The following ADAMTS12 variants were observed in gnomAD, a reference collection of about 807,000 sequenced individuals.
ADAMTS12 encodes the protein A disintegrin and metalloproteinase with thrombospondin motifs 12.
Under a neutral mutation model 167.8 loss-of-function variants are expected in ADAMTS12, and 118 were observed. The ratio of observed to expected loss-of-function variants is 0.70; its 90% CI spans 0.61 to 0.82. The LOEUF (loss-of-function observed/expected upper bound fraction) is 0.82, where lower values mean the gene tolerates loss of function less well. Ranked by LOEUF, ADAMTS12 falls within the 40% of genes least tolerant of loss-of-function variation. ADAMTS12 has a pLI of 0.00. For synonymous variants in ADAMTS12, 704 were observed against 716.9 expected (o/e 0.98, Z 0.29); for missense variants, 1,916 against 1,998.8 (o/e 0.96, Z 0.79).
In ADAMTS12 at chr5:33,889,895, T is replaced by C. The variant is rs1044552901; in HGVS notation, c.127+1835A>G. On this transcript the variant is annotated intron_variant, in intron 1 of 23. Coordinates refer to ENST00000504830, the MANE Select transcript of ADAMTS12 (RefSeq NM_030955.4). ...TGAACCCGGGAGGCAGAGGTTGCAG[T>C]GAGCTGAGATTGCACCACCGCACTC... Among the ~76,000 whole-genome samples the C allele has an allele frequency of 2.0e-5, 3 of 152,276 alleles. No homozygotes were observed. The East Asian group carries it at 5.8e-4, about 29-fold the overall frequency.
chr5:33,589,103 G>T (rs138456354), intron 17 of ADAMTS12, among the ~76,000 whole-genome samples: 214 of 152,306 alleles, frequency 1.4e-3, no homozygotes, highest in African/African-American at 5.1e-3. Context: ...CCAGGGTTCT[G>T]CTGTGCAACT....
chr5:33,663,226 T>C (rs1248289540), intron 5 of ADAMTS12, among the ~76,000 whole-genome samples: 1 of 152,210 alleles, frequency 6.6e-6, no homozygotes, highest in East Asian at 1.9e-4. Context: ...ATAATTTTCA[T>C]TGTTACATCA....
chr5:33,624,171 C>T, intron 14 of ADAMTS12, 60 bp downstream of exon 14: 1 of 1,605,178 alleles, frequency 6.2e-7, no homozygotes, highest in Non-Finnish European at 8.5e-7. Context: ...ACCAATCAAC[C>T]ATTTATCTTG....
chr5:33,675,828 G>A (rs1336263201), intron 5 of ADAMTS12, among the ~76,000 whole-genome samples: 1 of 152,136 alleles, frequency 6.6e-6, no homozygotes, highest in African/African-American at 2.4e-5. Context: ...GATCACAGAA[G>A]CCTTGAGAAT....
intron 20 of ADAMTS12, among the ~76,000 whole-genome samples, chr5:33,553,272 G>T (rs970798132): frequency 6.6e-6 from 1 of 152,198 alleles, no homozygotes; most frequent in African/African-American, 2.4e-5. Context: ...TGGTGGGAGA[G>T]TATATTAGTT....
intron 3 of ADAMTS12, among the ~76,000 whole-genome samples, chr5:33,709,272 A>G (rs1743308314): frequency 6.6e-6 from 1 of 152,218 alleles, no homozygotes; most frequent in South Asian, 2.1e-4. Context: ...AACTTAGTTC[A>G]ACCATTATGG....
chr5:33,549,307 C>T lies in ADAMTS12; in HGVS notation c.4202G>A (p.Arg1401Lys), dbSNP rs1239282446. Residue 1401 changes from arginine to lysine, a missense_variant, in exon 21 of 24, where the codon AGG becomes AAG. Coordinates refer to ENST00000504830, the MANE Select transcript of ADAMTS12 (RefSeq NM_030955.4). Reference protein sequence around the residue: ...CVDSRDHRNLRPFHCQFLAGI... With the variant: ...CVDSRDHRNLKPFHCQFLAGI... ...GGCCAGGAACTGGCAGTGAAATGGCCTCAGGTTCCGGTGGTCCCGGCTGTC... is the reference window on the plus strand; with the variant it reads ...GGCCAGGAACTGGCAGTGAAATGGCTTCAGGTTCCGGTGGTCCCGGCTGTC... 4 of 1,614,234 alleles carry T rather than the reference C, an allele frequency of 2.5e-6. No homozygotes were observed. Among genetic ancestry groups the T allele is most frequent in the Non-Finnish European group, 3.4e-6 (4 of 1,180,050 alleles).
chr5:33,581,182 T>C (rs1747046533), intron 18 of ADAMTS12, among the ~76,000 whole-genome samples: 1 of 152,262 alleles, frequency 6.6e-6, no homozygotes, highest in Non-Finnish European at 1.5e-5. Context: ...TCAGATGAGA[T>C]AAATGCAGTA....
intron 1 of ADAMTS12, among the ~76,000 whole-genome samples, chr5:33,886,522 A>G (rs1228577726): frequency 1.3e-5 from 2 of 152,234 alleles, no homozygotes; most frequent in East Asian, 3.8e-4. Flanking sequence ...TCATTAGTAA[A>G]TAAAGAAAAG....
At chr5:33,786,377 T>C (rs759066674) in intron 2 of ADAMTS12, among the ~76,000 whole-genome samples, 6 of 151,988 alleles carry the variant, frequency 3.9e-5, no homozygotes, top group Non-Finnish European at 7.4e-5. Context: ...TTGGGTTTAA[T>C]GGTTTTCCAA....
chr5:33,641,789 A>C (rs1028266566), intron 11 of ADAMTS12, 21 bp downstream of exon 11: 26 of 1,576,848 alleles, frequency 1.6e-5, no homozygotes, highest in Admixed American at 6.9e-5. Flanking sequence ...AGAGAAGGGA[A>C]ATATATTTAT....
intron 3 of ADAMTS12, among the ~76,000 whole-genome samples, chr5:33,723,237 G>A (rs897513209): frequency 2.0e-5 from 3 of 152,064 alleles, no homozygotes; most frequent in East Asian, 1.9e-4. Flanking sequence ...TTTGAGAAGC[G>A]AACTCCATTT....
At chr5:33,556,226 G>A (rs1354699564) in intron 20 of ADAMTS12, among the ~76,000 whole-genome samples, 5 of 152,174 alleles carry the variant, frequency 3.3e-5, no homozygotes, top group Non-Finnish European at 7.3e-5. Context: ...AATGGCCAGT[G>A]TCACATACAG....
intron 2 of ADAMTS12, among the ~76,000 whole-genome samples, chr5:33,765,350 C>A (rs951792097): frequency 6.6e-6 from 1 of 152,152 alleles, no homozygotes; most frequent in Non-Finnish European, 1.5e-5. Flanking sequence ...ATTAAAATAA[C>A]CTTATTTTCA....
At chr5:33,857,591 A>C (rs549318839) in intron 2 of ADAMTS12, among the ~76,000 whole-genome samples, 2 of 152,278 alleles carry the variant, frequency 1.3e-5, no homozygotes, top group South Asian at 4.1e-4. Flanking sequence ...AGGCTGGAAA[A>C]GAAAAAAAAC....
At position 33,775,337 on chromosome 5, in the gene ADAMTS12, G is replaced by T. The variant is rs531054109; in HGVS notation, c.490-23789C>A. Among the ~76,000 whole-genome samples, 6 of 152,256 alleles carry T rather than the reference G, an allele frequency of 3.9e-5. No homozygotes were observed. In the East Asian group the frequency reaches 1.2e-3, roughly 29 times the overall value. On this transcript the variant is annotated intron_variant, in intron 2 of 23. Transcript: ENST00000504830. ...ATAGGATTTCTGAGGTGGGTAAAGG[G>T]CCCATGGAAAAGGTGGAGAAAGCTC... is the stretch of plus-strand genomic sequence containing the variant.
chr5:33,687,908 C>G (rs750050917), intron 3 of ADAMTS12, among the ~76,000 whole-genome samples: 4 of 152,194 alleles, frequency 2.6e-5, no homozygotes, highest in Non-Finnish European at 5.9e-5. Flanking sequence ...GGAAGCTCCC[C>G]TCACTATTTC....
At chr5:33,593,479 T>C (rs910313629) in intron 17 of ADAMTS12, among the ~76,000 whole-genome samples, 4 of 152,226 alleles carry the variant, frequency 2.6e-5, no homozygotes, top group African/African-American at 7.2e-5. Flanking sequence ...TAAATGTATC[T>C]ACAAATTAGG....
rs147992899 is a variant in ADAMTS12 at position 33,658,011 on chromosome 5, C to T, written c.1190+173G>A. ...TGGAGACAATGGAGCCCATGAGGTG[C>T]ATTACTATCCCCACTTTACAGATGA... On this transcript the variant is annotated intron_variant, in intron 7 of 23. Coordinates refer to ENST00000504830, the MANE Select transcript of ADAMTS12 (RefSeq NM_030955.4). Among the ~76,000 whole-genome samples the T allele has an allele frequency of 5.9e-5, 9 of 152,172 alleles. No individual in the cohort carries two copies. In the East Asian group the frequency reaches 1.7e-3, roughly 29 times the overall value.
Sources: allele counts gnomAD v4.1 joint callset (sites outside exome capture counted in the v4.1 genomes callset), GRCh38; gene constraint gnomAD v4.1.1; transcripts MANE v1.5; gene names NCBI Gene and HGNC (gene_info 2026-07-23, HGNC 2026-07-21).